Variants in LEPROT observed in about 807,000 individuals in gnomAD.
LEPROT encodes the protein leptin receptor gene-related protein.
In LEPROT, 3 loss-of-function variants were observed where a neutral mutation model predicts 15.4. That is an observed-to-expected ratio of 0.19 (90% confidence interval 0.09 to 0.50). The LOEUF is 0.50. LEPROT is among the 20% of genes least tolerant of loss of function. LEPROT has a pLI of 0.97. For missense variants in LEPROT, 137 were observed against 162.2 expected (o/e 0.84, Z 0.84); for synonymous variants, 59 against 57.5 (o/e 1.03, Z -0.12).
At chr1:65,424,523 T>C (rs1481417751) in intron 1 of LEPROT, among the ~76,000 whole-genome samples, 2 of 147,934 alleles carry the variant, frequency 1.4e-5, no homozygotes, top group Admixed American at 6.8e-5. Context: ...GTACTGGAAT[T>C]ACTTGAGACC....
Position 65,420,770 on chromosome 1 carries a change from T to A in LEPROT, c.16+30T>A, listed in dbSNP as rs770876789. The A allele has an allele frequency of 1.9e-6, 3 of 1,571,330 alleles. No homozygotes were observed. The East Asian group carries it at 7.0e-5, about 37-fold the overall frequency. On this transcript the variant is annotated intron_variant, in intron 1 of 3. Transcript: ENST00000371065. ...ATCGCGGTCCCCGGCTCGCTTGTCG[T>A]GTGGTGGGGTTGCCACCTCCGTTCC...
rs1250974169 is a variant in LEPROT at position 65,435,431 on chromosome 1, G to A, written c.*3512G>A. On this transcript the variant is annotated 3_prime_UTR_variant, in exon 4 of 4. Coordinates refer to ENST00000371065, the MANE Select transcript of LEPROT (RefSeq NM_017526.5). ...TGCCCAGGCTGGAGTGCAGTGGTGC[G>A]ATCTTGGCTCACTGCAAGCTCCGCC... 6.4e-5 allele frequency: 42 copies of A among 654,814 alleles called. No homozygotes were observed. The highest frequency in any genetic ancestry group is 7.5e-5 in the Non-Finnish European group (40 of 533,082). The allele number at this position is 654,814 out of a possible 1,614,324, so 40.6% of individuals were successfully genotyped here. A position where few individuals can be genotyped will look rare whatever the true frequency, so the allele number is the denominator to read the frequency against.
At position 65,432,566 on chromosome 1, in the gene LEPROT, T is replaced by TAA. The variant is rs36067009; in HGVS notation, c.*661_*662dup. On this transcript the variant is annotated 3_prime_UTR_variant, in exon 4 of 4. Transcript: ENST00000371065. ...TCTGGGTGTTACCTGCTCATTTGTT[T>TAA]AAAAAAAAAAAAAAAGTCTCACCTG... 2.3e-3 allele frequency: 2,052 copies of TAA among 881,108 alleles called. No homozygotes were observed. Among genetic ancestry groups the TAA allele is most frequent in the South Asian group, 3.4e-3 (65 of 19,186 alleles). The allele number at this position is 881,108 out of a possible 1,614,324, so 54.6% of individuals were successfully genotyped here.
chr1:65,425,383 G>A lies in LEPROT; in HGVS notation c.92+5G>A. 6.3e-7 allele frequency: 1 copy of A among 1,592,810 alleles called. No individual in the cohort carries two copies. The highest frequency in any genetic ancestry group is 8.5e-7 in the Non-Finnish European group (1 of 1,173,410). On this transcript the variant is annotated splice_donor_5th_base_variant and intron_variant, in intron 2 of 3. Coordinates refer to ENST00000371065, the MANE Select transcript of LEPROT (RefSeq NM_017526.5). ...ATGTGCCTTAGAGGATTATGGGTAA[G>A]TTATCATTTCAAAAAGAACTATTCC...
intron 3 of LEPROT, 68 bp downstream of exon 3, chr1:65,430,116 C>A: frequency 7.5e-7 from 1 of 1,338,938 alleles, no homozygotes; most frequent in Non-Finnish European, 1.0e-6. Context: ...GTGTCTGGGA[C>A]CTCCATTTCA....
At chr1:65,421,490 A>G in intron 1 of LEPROT, 1 of 1,536,022 alleles carries the variant, frequency 6.5e-7, no homozygotes, top group Non-Finnish European at 8.7e-7. Flanking sequence ...TAATCTGTCG[A>G]ATAGAGTAGC....
rs951871412 is a variant in LEPROT, at chr1:65,432,940, T to C, written c.*1021T>C. ...TATACAATAATTTGTCAATATATAA[T>C]CAAAATAAAAAACAAAACATACTCT... On this transcript the variant is annotated 3_prime_UTR_variant, in exon 4 of 4. Transcript: ENST00000371065. The C allele has an allele frequency of 1.0e-6, 1 of 981,220 alleles. No homozygotes were observed. The highest frequency in any genetic ancestry group is 1.8e-5 in the African/African-American group (1 of 57,100). 60.8% of individuals were successfully genotyped at this position (981,220 alleles called of 1,614,324 possible).
At position 65,434,472 on chromosome 1, in the gene LEPROT, T is replaced by A. The variant is rs548617773; in HGVS notation, c.*2553T>A. The A allele has an allele frequency of 2.0e-6, 2 of 985,258 alleles. No individual in the cohort carries two copies. The highest frequency in any genetic ancestry group is 3.5e-5 in the African/African-American group (2 of 57,230). The allele number at this position is 985,258 out of a possible 1,614,324, so 61.0% of individuals were successfully genotyped here. ...TCAAACAAGTGGGTTACAAGCAGAC[T>A]TTGAGACACTTTTCCACAGAAACAA... On this transcript the variant is annotated 3_prime_UTR_variant, in exon 4 of 4. Coordinates refer to ENST00000371065, the MANE Select transcript of LEPROT (RefSeq NM_017526.5).
At chr1:65,431,664 T>C in intron 3 of LEPROT, 139 bp from the exon 4 acceptor site, 1 of 780,386 alleles carries the variant, frequency 1.3e-6, no homozygotes, top group Non-Finnish European at 2.0e-6. Context: ...CAGTTCATTG[T>C]CTCCTGTTAC....
At chr1:65,426,839 ATAC>A (rs1466194669) in intron 2 of LEPROT, among the ~76,000 whole-genome samples, 2 of 152,192 alleles carry the variant, frequency 1.3e-5, no homozygotes, top group Admixed American at 1.3e-4. Context: ...TCTACTAAAA[ATAC>A]AAAAAATTAG....
At position 65,435,941 on chromosome 1, in the gene LEPROT, A is replaced by G; in HGVS notation, c.*4022A>G. ...TGCTACCAGCGTACAACAGTGATAC[A>G]TGTAACCCCAAATGTGATGTGAGAG... On this transcript the variant is annotated 3_prime_UTR_variant, in exon 4 of 4. Coordinates refer to ENST00000371065, the MANE Select transcript of LEPROT (RefSeq NM_017526.5). 2 of 985,336 alleles carry G rather than the reference A, an allele frequency of 2.0e-6. No individual in the cohort carries two copies. The highest frequency in any genetic ancestry group is 2.4e-6 in the Non-Finnish European group (2 of 829,810). 61.0% of individuals were successfully genotyped at this position (985,336 alleles called of 1,614,324 possible). A position where few individuals can be genotyped will look rare whatever the true frequency, so the allele number is the denominator to read the frequency against.
At chr1:65,421,344 T>G in intron 1 of LEPROT, 6 of 1,535,616 alleles carry the variant, frequency 3.9e-6, no homozygotes, top group Non-Finnish European at 5.2e-6. Context: ...AACCAGTGTG[T>G]GTGTAGTATG....
In LEPROT at chr1:65,433,187, A is replaced by G. The variant is rs1185022175; in HGVS notation, c.*1268A>G. 6.1e-6 allele frequency: 6 copies of G among 985,014 alleles called. No homozygotes were observed. In the Admixed American group the frequency reaches 2.5e-4, roughly 40 times the overall value. The allele number at this position is 985,014 out of a possible 1,614,324, so 61.0% of individuals were successfully genotyped here. On this transcript the variant is annotated 3_prime_UTR_variant, in exon 4 of 4. Coordinates refer to ENST00000371065, the MANE Select transcript of LEPROT (RefSeq NM_017526.5). ...CTCTGCCCCCCACCCCTACTCCTCA[A>G]CAGTTCTGGTTTGCCCTGACTTCTC...
At chr1:65,421,401 G>A in intron 1 of LEPROT, 1 of 1,536,086 alleles carries the variant, frequency 6.5e-7, no homozygotes, top group Non-Finnish European at 8.7e-7. Context: ...TCCCTTATCT[G>A]TATGGCTTCA....
At chr1:65,420,808 G>T in intron 1 of LEPROT, 68 bp downstream of exon 1, 1 of 1,535,690 alleles carries the variant, frequency 6.5e-7, no homozygotes, top group Non-Finnish European at 8.8e-7. Context: ...TCAAGCCTGG[G>T]GCTGCGCCTT....
In LEPROT at chr1:65,429,934, C is replaced by T. The variant is rs1646453835; in HGVS notation, c.165C>T (p.Val55=). The part of the protein sequence containing the change: ...SPIPHFIAKR[V]TYDSDATSSA... Reference sequence around the variant, plus strand: ...TCCCCCATTTCATTGCCAAAAGAGTCACCTATGACTCAGATGCAACCAGTA... The same window carrying T: ...TCCCCCATTTCATTGCCAAAAGAGTTACCTATGACTCAGATGCAACCAGTA... Residue 55 remains valine, a synonymous_variant, in exon 3 of 4, where the codon GTC becomes GTT. Coordinates refer to ENST00000371065, the MANE Select transcript of LEPROT (RefSeq NM_017526.5). 1 of 1,559,406 alleles carries T rather than the reference C, an allele frequency of 6.4e-7. No individual in the cohort carries two copies. The highest frequency in any genetic ancestry group is 1.7e-5 in the Admixed American group (1 of 58,812).
At chr1:65,426,674 C>T (rs989625445) in intron 2 of LEPROT, among the ~76,000 whole-genome samples, 29 of 152,084 alleles carry the variant, frequency 1.9e-4, no homozygotes, top group African/African-American at 3.6e-4. Flanking sequence ...AGATGTCTCC[C>T]AGGTGATTGG....
Position 65,431,957 on chromosome 1 carries a change from A to C in LEPROT, c.*38A>C, listed in dbSNP as rs762802635. ...ATTACAGTGCATTGAATTTCTTAGA[A>C]CTCATACTATCTGTATACATGTGCA... On this transcript the variant is annotated 3_prime_UTR_variant, in exon 4 of 4. Transcript: ENST00000371065. 6.2e-7 allele frequency: 1 copy of C among 1,602,132 alleles called. No homozygotes were observed. The highest frequency in any genetic ancestry group is 1.4e-5 in the African/African-American group (1 of 74,014).
At chr1:65,423,902 C>T (rs909852180) in intron 1 of LEPROT, among the ~76,000 whole-genome samples, 1 of 152,156 alleles carries the variant, frequency 6.6e-6, no homozygotes, top group Non-Finnish European at 1.5e-5. Flanking sequence ...GAGTAGATAC[C>T]TGAGTCAGTC....
Sources: gnomAD v4.1 joint callset for allele counts (sites outside exome capture counted in the v4.1 genomes callset) on GRCh38, gnomAD v4.1.1 for gene constraint, MANE v1.5 for transcripts, NCBI Gene and HGNC (gene_info 2026-07-23, HGNC 2026-07-21) for gene names.